The following MARCHF1 variants were observed in gnomAD, a reference collection of about 807,000 sequenced individuals.
The protein encoded by MARCHF1 is E3 ubiquitin-protein ligase MARCHF1.
In MARCHF1, 40 loss-of-function variants were observed where a neutral mutation model predicts 54.2. The ratio of observed to expected loss-of-function variants is 0.74; its 90% CI spans 0.57 to 0.96. The LOEUF (loss-of-function observed/expected upper bound fraction) is 0.96, where lower values mean the gene tolerates loss of function less well. Among genes scored for constraint, MARCHF1 ranks in the 40% least tolerant of loss-of-function variants. The probability of loss-of-function intolerance (pLI) is 0.00; values close to 1 mark genes in which losing one functional copy is unlikely to be tolerated. For synonymous variants in MARCHF1, 236 were observed against 236.3 expected, an observed-to-expected ratio of 1.00 and a Z score of 0.01; for missense variants, 586 against 656.5, an observed-to-expected ratio of 0.89 and a Z score of 1.17.
chr4:163,708,630 CAT>C (rs1340859023), intron 4 of MARCHF1, among the ~76,000 whole-genome samples: 1 of 152,066 alleles, frequency 6.6e-6, no homozygotes, highest in African/African-American at 2.4e-5. Flanking sequence ...CTTTTAAAAA[CAT>C]ACCAGGTTAG....
At chr4:164,261,480 G>A (rs1476937858) in intron 1 of MARCHF1, among the ~76,000 whole-genome samples, 1 of 152,068 alleles carries the variant, frequency 6.6e-6, no homozygotes, top group African/African-American at 2.4e-5. Context: ...TTGCTTTAAA[G>A]CTTCAATGGG....
chr4:163,994,077 CA>C (rs1307994597), intron 2 of MARCHF1, among the ~76,000 whole-genome samples: 1 of 151,926 alleles, frequency 6.6e-6, no homozygotes. Flanking sequence ...GAACAAGGAG[CA>C]AAATAGAAAA....
At chr4:164,069,848 A>G (rs1446994522) in intron 2 of MARCHF1, among the ~76,000 whole-genome samples, 2 of 152,212 alleles carry the variant, frequency 1.3e-5, no homozygotes, top group East Asian at 3.8e-4. Flanking sequence ...ACAATAGAGA[A>G]GACGTGGAAT....
intron 5 of MARCHF1, among the ~76,000 whole-genome samples, chr4:163,639,709 G>A (rs1010700934): frequency 1.3e-5 from 2 of 152,092 alleles, no homozygotes; most frequent in Non-Finnish European, 2.9e-5. Flanking sequence ...CTTTCAGACA[G>A]AGTATACTAA....
chr4:164,083,281 A>G (rs1164676478), intron 2 of MARCHF1, among the ~76,000 whole-genome samples: 2 of 147,654 alleles, frequency 1.4e-5, no homozygotes, highest in African/African-American at 4.9e-5. Context: ...TTTAAAAGTT[A>G]CTGAAAGGTT....
intron 2 of MARCHF1, among the ~76,000 whole-genome samples, chr4:164,048,256 T>C (rs1285075092): frequency 1.3e-5 from 2 of 152,132 alleles, no homozygotes; most frequent in Non-Finnish European, 2.9e-5. Context: ...ACTTTAATCC[T>C]TTTTTCTAGT....
chr4:164,165,370 C>G (rs1183757797), intron 1 of MARCHF1, among the ~76,000 whole-genome samples: 2 of 151,824 alleles, frequency 1.3e-5, no homozygotes, highest in Admixed American at 6.6e-5. Flanking sequence ...CTGTCTCTCT[C>G]TCTCTCTCTC....
intron 1 of MARCHF1, among the ~76,000 whole-genome samples, chr4:164,252,063 T>C (rs1436413635): frequency 1.3e-5 from 2 of 152,174 alleles, no homozygotes; most frequent in East Asian, 3.9e-4. Context: ...CATTAGAATT[T>C]TTAAAAATCT....
intron 1 of MARCHF1, among the ~76,000 whole-genome samples, chr4:164,334,552 C>T (rs1729677525): frequency 1.3e-5 from 2 of 151,724 alleles, no homozygotes; most frequent in South Asian, 4.2e-4. Context: ...TCAAAAGTTG[C>T]TGCTCATTGA....
intron 3 of MARCHF1, among the ~76,000 whole-genome samples, chr4:163,910,577 C>G (rs1194903459): frequency 6.6e-6 from 1 of 152,178 alleles, no homozygotes; most frequent in Non-Finnish European, 1.5e-5. Flanking sequence ...TCACTGCACC[C>G]TTCACCTCTT....
At chr4:163,542,371 A>G (rs936697308) in intron 9 of MARCHF1, among the ~76,000 whole-genome samples, 1 of 152,196 alleles carries the variant, frequency 6.6e-6, no homozygotes, top group Non-Finnish European at 1.5e-5. Context: ...TGAGCAGGAC[A>G]GAGAAAGCCC....
At chr4:163,967,599 C>T (rs575247485) in intron 3 of MARCHF1, among the ~76,000 whole-genome samples, 10 of 152,206 alleles carry the variant, frequency 6.6e-5, no homozygotes, top group African/African-American at 2.2e-4. Flanking sequence ...GAGGATCATT[C>T]GTAGACAGTT....
chr4:163,733,316 A>G lies in MARCHF1; in HGVS notation c.112-32453T>C, dbSNP rs546176967. Among the ~76,000 whole-genome samples the G allele has an allele frequency of 2.9e-4, 39 of 133,150 alleles. 2 individuals are homozygous for G. The highest frequency in any genetic ancestry group is 4.7e-4 in the Non-Finnish European group (30 of 63,744). The allele number at this position is 133,150 out of a possible 152,430, so 87.4% of individuals were successfully genotyped here. A position where few individuals can be genotyped will look rare whatever the true frequency, so the allele number is the denominator to read the frequency against. On this transcript the variant is annotated intron_variant, in intron 4 of 9. Transcript: ENST00000514618. ...ACACACGCACACATATTATATATATATGAAAGTCTTCCAAGCAGAAGGAAA... is the reference window on the plus strand; with the variant it reads ...ACACACGCACACATATTATATATATGTGAAAGTCTTCCAAGCAGAAGGAAA...
At chr4:164,022,155 C>T (rs911229912) in intron 2 of MARCHF1, among the ~76,000 whole-genome samples, 2 of 152,110 alleles carry the variant, frequency 1.3e-5, no homozygotes, top group African/African-American at 2.4e-5. Context: ...TGCAATATCT[C>T]TTGCCAAGAG....
At chr4:164,180,745 A>G (rs1730810904) in intron 1 of MARCHF1, among the ~76,000 whole-genome samples, 2 of 152,156 alleles carry the variant, frequency 1.3e-5, no homozygotes, top group South Asian at 4.1e-4. Context: ...AACTCTTACT[A>G]TTTTGTAAGA....
At chr4:164,303,702 T>C (rs1345104469) in intron 1 of MARCHF1, among the ~76,000 whole-genome samples, 3 of 150,458 alleles carry the variant, frequency 2.0e-5, no homozygotes, top group African/African-American at 7.4e-5. Flanking sequence ...CAACCACACC[T>C]TTCCTACCAC....
At chr4:163,711,342 T>C (rs1014893107) in intron 4 of MARCHF1, among the ~76,000 whole-genome samples, 1 of 152,200 alleles carries the variant, frequency 6.6e-6, no homozygotes, top group Non-Finnish European at 1.5e-5. Context: ...GTTTCAGTTA[T>C]AATTAAAGTA....
chr4:164,308,418 G>T (rs1382206381), intron 1 of MARCHF1, among the ~76,000 whole-genome samples: 1 of 152,014 alleles, frequency 6.6e-6, no homozygotes, highest in African/African-American at 2.4e-5. Context: ...GGGATCTATT[G>T]ATTTTAAATC....
intron 1 of MARCHF1, chr4:164,197,302 T>G (rs748115948): frequency 2.5e-6 from 4 of 1,611,950 alleles, no homozygotes; most frequent in Admixed American, 3.3e-5. Flanking sequence ...ATATGTGAGT[T>G]GCAGGAGAAG....
Sources: gnomAD v4.1 joint callset for allele counts (sites outside exome capture counted in the v4.1 genomes callset) on GRCh38, gnomAD v4.1.1 for gene constraint, MANE v1.5 for transcripts, NCBI Gene and HGNC (gene_info 2026-07-23, HGNC 2026-07-21) for gene names.